The following BEND4 variants were observed in gnomAD, a reference collection of about 807,000 sequenced individuals.
The protein encoded by BEND4 is BEN domain-containing protein 4.
A neutral mutation model predicts 54.7 loss-of-function variants in BEND4; 27 were observed. That is an observed-to-expected ratio of 0.49 (90% CI 0.36 to 0.68). BEND4 has a LOEUF of 0.68. BEND4 is among the 30% of genes least tolerant of loss of function. The pLI is 0.00. For synonymous variants in BEND4, 327 were observed against 299.5 expected (o/e 1.09, Z -0.95); for missense variants, 702 against 697.2 (o/e 1.01, Z -0.08).
intron 3 of BEND4, among the ~76,000 whole-genome samples, chr4:42,131,777 T>C (rs1720515795): frequency 6.6e-6 from 1 of 152,056 alleles, no homozygotes; most frequent in East Asian, 1.9e-4. Context: ...ACAAGGCTCA[T>C]ATTTGGTCAA....
intron 3 of BEND4, among the ~76,000 whole-genome samples, chr4:42,126,025 G>A (rs1720267927): frequency 6.6e-6 from 1 of 151,814 alleles, no homozygotes; most frequent in Non-Finnish European, 1.5e-5. Context: ...ACAGGCGCAA[G>A]CCACCGCACC....
intron 4 of BEND4, among the ~76,000 whole-genome samples, chr4:42,123,701 A>AAACAAAAAAACAAAAAC (rs1553921981): frequency 6.0e-4 from 78 of 129,508 alleles, no homozygotes; most frequent in Admixed American, 1.2e-3. Context: ...TCAGAAAAAA[A>AAACAAAAAAACAAAAAC]AAAAAAAAAA....
chr4:42,126,789 T>C (rs911601447), intron 3 of BEND4, among the ~76,000 whole-genome samples: 3 of 152,090 alleles, frequency 2.0e-5, no homozygotes, highest in Non-Finnish European at 4.4e-5. Flanking sequence ...GGCGGGAGAA[T>C]AGCTTAAGCC....
intron 4 of BEND4, among the ~76,000 whole-genome samples, chr4:42,123,325 A>G (rs780897192): frequency 4.6e-5 from 7 of 152,122 alleles, no homozygotes; most frequent in Non-Finnish European, 7.4e-5. Flanking sequence ...CTATCTTTTC[A>G]TTTTTGTAGA....
At chr4:42,148,076 C>G (rs1577770731) in intron 2 of BEND4, among the ~76,000 whole-genome samples, 2 of 152,224 alleles carry the variant, frequency 1.3e-5, no homozygotes, top group South Asian at 4.1e-4. Flanking sequence ...ATCATGTATT[C>G]ATATGTTATA....
rs1719790219 is a variant in BEND4 at position 42,115,733 on chromosome 4, A to T, written c.*1785T>A. The T allele has an allele frequency of 6.6e-6, 1 of 152,258 alleles. No individual in the cohort carries two copies. The highest frequency in any genetic ancestry group is 2.4e-5 in the African/African-American group (1 of 41,476). 9.4% of individuals were successfully genotyped at this position (152,258 alleles called of 1,614,324 possible). On this transcript the variant is annotated 3_prime_UTR_variant, in exon 6 of 6. Coordinates refer to ENST00000502486, the MANE Select transcript of BEND4 (RefSeq NM_207406.4). ...GGTATCTTTCTTCCTTGGAGAGCCA[A>T]AGAGACTGGTCTCATGGCTGCCGTA...
chr4:42,152,248 C>T lies in BEND4; in HGVS notation c.-105G>A. The T allele has an allele frequency of 8.9e-7, 1 of 1,121,584 alleles. No individual in the cohort carries two copies. Among genetic ancestry groups the T allele is most frequent in the Non-Finnish European group, 1.1e-6 (1 of 892,336 alleles). The allele number at this position is 1,121,584 out of a possible 1,614,324, so 69.5% of individuals were successfully genotyped here. A position where few individuals can be genotyped will look rare whatever the true frequency, so the allele number is the denominator to read the frequency against. On this transcript the variant is annotated 5_prime_UTR_variant, in exon 2 of 6. Coordinates refer to ENST00000502486, the MANE Select transcript of BEND4 (RefSeq NM_207406.4). ...CCCGCCGGGTCTGCCCTGGTGCGCG[C>T]GTGTGGGAGGGTGTGTGTCTGTGCC...
intron 2 of BEND4, among the ~76,000 whole-genome samples, chr4:42,146,320 A>G (rs944037925): frequency 1.3e-5 from 2 of 152,248 alleles, no homozygotes; most frequent in African/African-American, 4.8e-5. Flanking sequence ...AGAGAGAAAG[A>G]CATGGGTTGG....
chr4:42,113,082 A>G lies in BEND4; in HGVS notation c.*4436T>C, dbSNP rs1160882325. ...ATTAGAGTTCTGACTCAAGCACTCC[A>G]TTTGACATGTTTTGCCAAACAGTTC... On this transcript the variant is annotated 3_prime_UTR_variant, in exon 6 of 6. Coordinates refer to ENST00000502486, the MANE Select transcript of BEND4 (RefSeq NM_207406.4). 6.6e-6 allele frequency: 1 copy of G among 152,246 alleles called. No homozygotes were observed. Among genetic ancestry groups the G allele is most frequent in the African/African-American group, 2.4e-5 (1 of 41,466 alleles). 9.4% of individuals were successfully genotyped at this position (152,246 alleles called of 1,614,324 possible).
intron 3 of BEND4, among the ~76,000 whole-genome samples, chr4:42,142,943 T>A (rs550217210): frequency 6.6e-6 from 1 of 152,356 alleles, no homozygotes; most frequent in African/African-American, 2.4e-5. Flanking sequence ...TGTTCAGTAC[T>A]ACTTGAGTCC....
At chr4:42,120,363 T>C in intron 4 of BEND4, 69 bp from the exon 5 acceptor site, 1 of 1,547,402 alleles carries the variant, frequency 6.5e-7, no homozygotes, top group Non-Finnish European at 8.7e-7. Context: ...GATCTCCATT[T>C]CAAAGGCAAA....
chr4:42,116,752 T>G lies in BEND4; in HGVS notation c.*766A>C, dbSNP rs1292354333. On this transcript the variant is annotated 3_prime_UTR_variant, in exon 6 of 6. Transcript: ENST00000502486. ...ACTTTGGCATTGTGTCAACAAAGCC[T>G]GATTTAAGGCTATGGAAACTGCGGA... 1 of 152,252 alleles carries G rather than the reference T, an allele frequency of 6.6e-6. No homozygotes were observed. The highest frequency in any genetic ancestry group is 2.4e-5 in the African/African-American group (1 of 41,470). 9.4% of individuals were successfully genotyped at this position (152,252 alleles called of 1,614,324 possible). A position where few individuals can be genotyped will look rare whatever the true frequency, so the allele number is the denominator to read the frequency against.
At chr4:42,123,694 GAAAAAAA>G (rs71664396) in intron 4 of BEND4, among the ~76,000 whole-genome samples, 3 of 50,808 alleles carry the variant, frequency 5.9e-5, no homozygotes, top group Non-Finnish European at 7.8e-5. Context: ...CTGTAATTCA[GAAAAAAA>G]AAAAAAAAAA....
chr4:42,152,159 C>G lies in BEND4; in HGVS notation c.-16G>C. ...CTTCCTCCATCCGGCGCCTCGGGGC[C>G]GGTCCCTCGGAGCACGTCCCCTCCC... On this transcript the variant is annotated 5_prime_UTR_variant, in exon 2 of 6. Transcript: ENST00000502486. 2 of 1,240,910 alleles carry G rather than the reference C, an allele frequency of 1.6e-6. No homozygotes were observed. The highest frequency in any genetic ancestry group is 1.0e-6 in the Non-Finnish European group (1 of 984,476). 76.9% of individuals were successfully genotyped at this position (1,240,910 alleles called of 1,614,324 possible).
At chr4:42,130,057 A>G (rs757611171) in intron 3 of BEND4, among the ~76,000 whole-genome samples, 8 of 152,258 alleles carry the variant, frequency 5.3e-5, no homozygotes, top group Non-Finnish European at 1.0e-4. Flanking sequence ...TCATAAGAGA[A>G]AAACAAACAA....
chr4:42,111,286 A>T lies in BEND4; in HGVS notation c.*6232T>A, dbSNP rs1272364119. 2.6e-5 allele frequency: 4 copies of T among 152,240 alleles called. No homozygotes were observed. Among genetic ancestry groups the T allele is most frequent in the Non-Finnish European group, 4.4e-5 (3 of 68,048 alleles). The allele number at this position is 152,240 out of a possible 1,614,324, so 9.4% of individuals were successfully genotyped here. A position where few individuals can be genotyped will look rare whatever the true frequency, so the allele number is the denominator to read the frequency against. ...CAGTACAATCAAATAGAAATTATTCATAGAGAATCAACAAGACTCCAACAA... is the reference window on the plus strand; with the variant it reads ...CAGTACAATCAAATAGAAATTATTCTTAGAGAATCAACAAGACTCCAACAA... On this transcript the variant is annotated 3_prime_UTR_variant, in exon 6 of 6. Coordinates refer to ENST00000502486, the MANE Select transcript of BEND4 (RefSeq NM_207406.4).
intron 3 of BEND4, among the ~76,000 whole-genome samples, chr4:42,141,319 CCTT>C (rs1010811717): frequency 6.6e-6 from 1 of 152,204 alleles, no homozygotes; most frequent in African/African-American, 2.4e-5. Context: ...AAATGATAAA[CCTT>C]CTTTTTGTTT....
intron 3 of BEND4, among the ~76,000 whole-genome samples, chr4:42,134,727 T>C (rs1352597759): frequency 6.6e-6 from 1 of 152,218 alleles, no homozygotes; most frequent in Non-Finnish European, 1.5e-5. Flanking sequence ...TGGGAAGCAT[T>C]TGTTACAGTG....
intron 3 of BEND4, among the ~76,000 whole-genome samples, chr4:42,137,292 G>A (rs773563097): frequency 1.1e-4 from 16 of 152,184 alleles, no homozygotes; most frequent in Non-Finnish European, 1.8e-4. Context: ...AACTAAGGGT[G>A]TGGGAAAACT....
Sources: allele counts gnomAD v4.1 joint callset (sites outside exome capture counted in the v4.1 genomes callset), GRCh38; gene constraint gnomAD v4.1.1; transcripts MANE v1.5; gene names NCBI Gene and HGNC (gene_info 2026-07-23, HGNC 2026-07-21).